Variants in SNED1 observed in about 807,000 individuals in gnomAD.
SNED1 encodes the protein sushi, nidogen and EGF-like domain-containing protein 1.
A neutral mutation model predicts 166.7 loss-of-function variants in SNED1; 81 were observed. That is an observed-to-expected ratio of 0.49 (90% CI 0.41 to 0.58). The LOEUF (loss-of-function observed/expected upper bound fraction) is 0.58. Among genes scored for constraint, SNED1 ranks in the 20% least tolerant of loss-of-function variants. The pLI is 0.00. For synonymous variants in SNED1, 762 were observed against 822.0 expected (o/e 0.93, Z 1.25); for missense variants, 1,604 against 2,000.2 (o/e 0.80, Z 3.78).
At chr2:241,012,206 C>T (rs181782066) in intron 1 of SNED1, among the ~76,000 whole-genome samples, 15 of 152,348 alleles carry the variant, frequency 9.8e-5, no homozygotes, top group Admixed American at 7.8e-4. Context: ...GGGACCTCGG[C>T]CACAGCGGCC....
At chr2:241,005,127 T>G (rs2060186674) in intron 1 of SNED1, among the ~76,000 whole-genome samples, 1 of 152,146 alleles carries the variant, frequency 6.6e-6, no homozygotes. Flanking sequence ...CTTCATTTCT[T>G]TGTGTAGGTC....
chr2:241,035,037 C>G (rs1277870732), intron 4 of SNED1, among the ~76,000 whole-genome samples: 1 of 152,184 alleles, frequency 6.6e-6, no homozygotes, highest in East Asian at 1.9e-4. Context: ...CTGGAGACTG[C>G]GGGTTTCGGG....
At chr2:241,076,818 G>A (rs889763792) in intron 27 of SNED1, among the ~76,000 whole-genome samples, 2 of 151,982 alleles carry the variant, frequency 1.3e-5, no homozygotes, top group Middle Eastern at 3.2e-3. Context: ...AGGGCCGGGC[G>A]CAGTGGCTCA....
At chr2:241,020,718 C>A (rs1342209083) in intron 1 of SNED1, among the ~76,000 whole-genome samples, 1 of 152,194 alleles carries the variant, frequency 6.6e-6, no homozygotes, top group Non-Finnish European at 1.5e-5. Flanking sequence ...GTAGCCACCC[C>A]ACCTTAAAGG....
intron 10 of SNED1, 112 bp downstream of exon 10, chr2:241,048,878 A>G (rs1233211756): frequency 6.8e-6 from 8 of 1,184,324 alleles, no homozygotes; most frequent in Admixed American, 2.0e-5. Context: ...CATTGGTTCT[A>G]CCCCCACCCA....
At position 241,051,820 on chromosome 2, in the gene SNED1, C is replaced by T; in HGVS notation, c.1812C>T (p.Cys604=). 6.4e-7 allele frequency: 1 copy of T among 1,562,622 alleles called. No individual in the cohort carries two copies. The highest frequency in any genetic ancestry group is 8.7e-7 in the Non-Finnish European group (1 of 1,154,188). ...AGGAGGCGGGCGGCGAGTACCACTG[C>T]AGCTGCCCCTACCGCTTCACTGGGA... The part of the protein sequence containing the change: ...TCKEAGGEYH[C]SCPYRFTGRH... Residue 604 remains cysteine (C), a synonymous_variant, in exon 13 of 32, where the codon TGC becomes TGT. Transcript: ENST00000310397. The surrounding 1 kb of genome is among the most constrained non-coding windows in gnomAD (Gnocchi z 4.7).
At chr2:241,036,053 T>G (rs1320542634) in intron 4 of SNED1, among the ~76,000 whole-genome samples, 15 of 14,434 alleles carry the variant, frequency 1.0e-3, no homozygotes, top group Non-Finnish European at 1.2e-3. Context: ...GGGGTGGAGG[T>G]GCGTCACAGG....
Position 241,071,663 on chromosome 2 carries a change from C to T in SNED1, c.3677C>T (p.Pro1226Leu), listed in dbSNP as rs1026072777. 70 of 1,563,502 alleles carry T rather than the reference C, an allele frequency of 4.5e-5. No individual in the cohort carries two copies. The African/African-American group carries it at 6.1e-4, about 14-fold the overall frequency. The change falls in exon 25 of 32, where the codon CCG becomes CTG. Residue 1226 changes from proline to leucine, a missense_variant. This residue lies in a region of SNED1 where 367 missense variants were observed against 379.4 expected (regional missense o/e 0.97). Transcript: ENST00000310397. Reference sequence around the variant, plus strand: ...AACAGACCGCCCCCGGCGCGCCTGCCGGAGCTGCGCCTGCTCAATGACCAC... The same window carrying T: ...AACAGACCGCCCCCGGCGCGCCTGCTGGAGCTGCGCCTGCTCAATGACCAC... ...LKNRPPPARL[P>L]ELRLLNDHSA...
At chr2:241,032,402 C>T (rs997536154) in intron 2 of SNED1, among the ~76,000 whole-genome samples, 2 of 150,786 alleles carry the variant, frequency 1.3e-5, no homozygotes, top group Non-Finnish European at 2.9e-5. Context: ...TTTAGAAGTG[C>T]CAGTTTCCAT....
Position 241,092,444 on chromosome 2 carries a change from A to G in SNED1, c.*808A>G, listed in dbSNP as rs1286764554. ...TATTTACAATAACAGGTGGTGGCCAAATTGGCCCATGGGCCTTATTTGGTG... is the reference window on the plus strand; with the variant it reads ...TATTTACAATAACAGGTGGTGGCCAGATTGGCCCATGGGCCTTATTTGGTG... On this transcript the variant is annotated 3_prime_UTR_variant, in exon 32 of 32. Coordinates refer to ENST00000310397, the MANE Select transcript of SNED1 (RefSeq NM_001080437.3). This position sits in a 1 kb window ranked among gnomAD's most constrained non-coding sequence, Gnocchi z 4.6. 1 of 152,182 alleles carries G rather than the reference A, an allele frequency of 6.6e-6. No homozygotes were observed. The highest frequency in any genetic ancestry group is 1.5e-5 in the Non-Finnish European group (1 of 68,036). The allele number at this position is 152,182 out of a possible 1,614,324, so 9.4% of individuals were successfully genotyped here.
chr2:241,008,226 T>A (rs1434056036), intron 1 of SNED1, among the ~76,000 whole-genome samples: 1 of 152,204 alleles, frequency 6.6e-6, no homozygotes, highest in African/African-American at 2.4e-5. Context: ...ACAGAGTCAG[T>A]GCCGTGACCA....
At chr2:241,017,534 C>G (rs1453452378) in intron 1 of SNED1, among the ~76,000 whole-genome samples, 1 of 152,260 alleles carries the variant, frequency 6.6e-6, no homozygotes, top group Admixed American at 6.5e-5. Context: ...AAAGAGTGGA[C>G]AGGGCCTTGT....
At chr2:241,055,550 A>G (rs2062016859) in intron 16 of SNED1, among the ~76,000 whole-genome samples, 1 of 152,204 alleles carries the variant, frequency 6.6e-6, no homozygotes, top group Admixed American at 6.5e-5. Flanking sequence ...AAGGAACATC[A>G]TGAAGCCTAT....
intron 16 of SNED1, among the ~76,000 whole-genome samples, chr2:241,055,869 C>T (rs1206551034): frequency 6.6e-6 from 1 of 152,172 alleles, no homozygotes; most frequent in Non-Finnish European, 1.5e-5. Context: ...CGTTTAAAAC[C>T]AATCTTGAGC....
chr2:240,998,934 C>T lies in SNED1; in HGVS notation c.97C>T (p.Pro33Ser). The change falls in exon 1 of 32, where the codon CCG becomes TCG. Residue 33 changes from proline to serine, a missense_variant. Around this residue, in one of 2 missense-constraint regions of SNED1, gnomAD observed 1,237 missense variants for 1,620.8 expected, o/e 0.76. Coordinates refer to ENST00000310397, the MANE Select transcript of SNED1 (RefSeq NM_001080437.3). Reference protein sequence around the residue: ...RGAVALADFYPFGAERGDAVT... With the variant: ...RGAVALADFYSFGAERGDAVT... ...CGCGGTGGCCCTTGCCGACTTCTAC[C>T]CGTTCGGCGCCGAGCGCGGCGACGC... 1 of 1,279,306 alleles carries T rather than the reference C, an allele frequency of 7.8e-7. No homozygotes were observed. Among genetic ancestry groups the T allele is most frequent in the South Asian group, 2.2e-5 (1 of 44,490 alleles). 79.2% of individuals were successfully genotyped at this position (1,279,306 alleles called of 1,614,324 possible).
intron 8 of SNED1, among the ~76,000 whole-genome samples, chr2:241,042,640 T>C (rs2061549453): frequency 6.6e-6 from 1 of 151,778 alleles, no homozygotes; most frequent in African/African-American, 2.4e-5. Context: ...ATAATCAAGA[T>C]TGTTGAGGGG....
In SNED1 at chr2:241,053,133, C is replaced by T. The variant is rs1169364149; in HGVS notation, c.2084-20C>T. ...CAGGAAGGCACAGGACCGTGCGAGACAGGCTGCCGTGCCTTGCAGAGGTGG... is the reference window on the plus strand; with the variant it reads ...CAGGAAGGCACAGGACCGTGCGAGATAGGCTGCCGTGCCTTGCAGAGGTGG... On this transcript the variant is annotated intron_variant, in intron 15 of 31. Coordinates refer to ENST00000310397, the MANE Select transcript of SNED1 (RefSeq NM_001080437.3). 2.5e-6 allele frequency: 4 copies of T among 1,602,030 alleles called. No homozygotes were observed.
rs569627545 is a variant in SNED1, at chr2:241,085,548, T to C, written c.4122-1844T>C. ...TTTTAAGGTCCTCATCTGCTATTTCTGTCATCACTCTCATGTCTGGGTCTT... is the reference window on the plus strand; with the variant it reads ...TTTTAAGGTCCTCATCTGCTATTTCCGTCATCACTCTCATGTCTGGGTCTT... On this transcript the variant is annotated intron_variant, in intron 29 of 31. Transcript: ENST00000310397. 1.7e-4 allele frequency among the ~76,000 whole-genome samples: 26 copies of C among 152,336 alleles called. No homozygotes were observed. In the South Asian group the frequency reaches 5.2e-3, roughly 30 times the overall value.
rs1032379624 is a variant in SNED1 at position 241,028,901 on chromosome 2, T to C, written c.214-1383T>C. On this transcript the variant is annotated intron_variant, in intron 1 of 31. Coordinates refer to ENST00000310397, the MANE Select transcript of SNED1 (RefSeq NM_001080437.3). The stretch of plus-strand genomic sequence containing the variant: ...TCATGCTTCCTTGGGTGCCCGATTA[T>C]TTTTGGCTGTGTCCTGGACTGCGTA... Among the ~76,000 whole-genome samples the C allele has an allele frequency of 2.0e-5, 3 of 152,212 alleles. No homozygotes were observed. In the East Asian group the frequency reaches 5.8e-4, roughly 29 times the overall value.
Sources: gnomAD v4.1 joint callset for allele counts (sites outside exome capture counted in the v4.1 genomes callset) on GRCh38, gnomAD v4.1.1 for gene constraint, gnomAD v4.1.1 regional missense constraint, Gnocchi (gnomAD v3.1) non-coding constraint, MANE v1.5 for transcripts, NCBI Gene and HGNC (gene_info 2026-07-23, HGNC 2026-07-21) for gene names.